Variants in CSRNP3 observed in about 807,000 individuals in gnomAD.
CSRNP3 encodes the protein cysteine/serine-rich nuclear protein 3.
In CSRNP3, 12 loss-of-function variants were observed where a neutral mutation model predicts 48.0. That is an observed-to-expected ratio of 0.25 (90% CI 0.16 to 0.41). CSRNP3 has a LOEUF of 0.41. CSRNP3 is among the 10% of genes least tolerant of loss of function. The pLI, the probability that CSRNP3 is intolerant of heterozygous loss-of-function variation, is 1.00. For synonymous variants in CSRNP3, 263 were observed against 269.7 expected (o/e 0.98, Z 0.24); for missense variants, 580 against 724.4 (o/e 0.80, Z 2.29).
chr2:165,599,743 G>A (rs1308521022), intron 4 of CSRNP3, among the ~76,000 whole-genome samples: 4 of 152,194 alleles, frequency 2.6e-5, no homozygotes, highest in African/African-American at 9.6e-5. Flanking sequence ...TAAGGTATGG[G>A]CTTCTCTGCA....
chr2:165,580,150 G>A (rs1385899411), intron 3 of CSRNP3, among the ~76,000 whole-genome samples: 1 of 151,868 alleles, frequency 6.6e-6, no homozygotes, highest in East Asian at 1.9e-4. Flanking sequence ...GGATGGTCTC[G>A]ATCTCCTGAC....
At chr2:165,653,061 C>T (rs1686940870) in intron 4 of CSRNP3, among the ~76,000 whole-genome samples, 1 of 152,152 alleles carries the variant, frequency 6.6e-6, no homozygotes, top group Non-Finnish European at 1.5e-5. Flanking sequence ...TAGTCTGCTT[C>T]TCCCAGGCTC....
chr2:165,605,386 T>G (rs75102608), intron 4 of CSRNP3, among the ~76,000 whole-genome samples: 3,428 of 152,154 alleles, frequency 0.023, 134 homozygotes, highest in African/African-American at 0.078. Context: ...TTCTTTAGTA[T>G]AGCCATCCCT....
At position 165,653,972 on chromosome 2, in the gene CSRNP3, C is replaced by CAAAAAAAAAAAAAAAAA. The variant is rs71028497; in HGVS notation, c.149-3769_149-3753dup. On this transcript the variant is annotated intron_variant, in intron 4 of 6. Transcript: ENST00000651982. ...GGGCAACAAGAGCGAAGCTCTATCA[C>CAAAAAAAAAAAAAAAAA]AAAAAAAAAAAAAAAAAAAAAAAAA... 4.9e-4 allele frequency among the ~76,000 whole-genome samples: 20 copies of CAAAAAAAAAAAAAAAAA among 41,226 alleles called. 6 individuals carry two copies. Among genetic ancestry groups the CAAAAAAAAAAAAAAAAA allele is most frequent in the African/African-American group, 1.9e-3 (19 of 10,118 alleles). The allele number at this position is 41,226 out of a possible 152,430, so 27.0% of individuals were successfully genotyped here.
At chr2:165,612,888 G>A (rs1353358439) in intron 4 of CSRNP3, among the ~76,000 whole-genome samples, 1 of 151,782 alleles carries the variant, frequency 6.6e-6, no homozygotes, top group African/African-American at 2.4e-5. Flanking sequence ...CAGTAAAGTT[G>A]GTATCTCTTC....
Position 165,590,537 on chromosome 2 carries a change from C to T in CSRNP3, c.-23-4506C>T, listed in dbSNP as rs1404976531. On this transcript the variant is annotated intron_variant, in intron 3 of 6. Transcript: ENST00000651982. Reference sequence around the variant, plus strand: ...AACACTGATATGGTTTGGCTGTGTTCCCACCCAAATCTCATCTTGAGTTGT... The same window carrying T: ...AACACTGATATGGTTTGGCTGTGTTTCCACCCAAATCTCATCTTGAGTTGT... Among the ~76,000 whole-genome samples, 4 of 152,208 alleles carry T rather than the reference C, an allele frequency of 2.6e-5. No homozygotes were observed. In the East Asian group the frequency reaches 5.8e-4, roughly 22 times the overall value.
intron 3 of CSRNP3, among the ~76,000 whole-genome samples, chr2:165,581,729 G>T (rs1209335488): frequency 6.6e-6 from 1 of 151,996 alleles, no homozygotes; most frequent in Non-Finnish European, 1.5e-5. Flanking sequence ...TAGAGATGGG[G>T]TTTCACCATG....
chr2:165,638,276 A>C (rs1017690989), intron 4 of CSRNP3, among the ~76,000 whole-genome samples: 7 of 152,210 alleles, frequency 4.6e-5, no homozygotes, highest in African/African-American at 1.7e-4. Context: ...AGCCTGACCA[A>C]CATGGTGAAA....
chr2:165,531,404 ACTACT>A (rs1410456389), intron 3 of CSRNP3, among the ~76,000 whole-genome samples: 1 of 152,204 alleles, frequency 6.6e-6, no homozygotes, highest in Non-Finnish European at 1.5e-5. Flanking sequence ...TTGTGTTGAC[ACTACT>A]CTACACAGCT....
chr2:165,562,532 GA>G (rs1023654730), intron 3 of CSRNP3, among the ~76,000 whole-genome samples: 3 of 152,244 alleles, frequency 2.0e-5, no homozygotes, highest in African/African-American at 7.2e-5. Flanking sequence ...AGACAAGCTT[GA>G]AAAACACAAA....
chr2:165,527,199 C>CTTTTTTTTTTTTTTTTTTT (rs535826285), intron 3 of CSRNP3, among the ~76,000 whole-genome samples: 1 of 87,296 alleles, frequency 1.1e-5, no homozygotes, highest in Non-Finnish European at 2.1e-5. Context: ...GCTGTTTGTA[C>CTTTTTTTTTTTTTTTTTTT]TTTTTTTTTT....
intron 3 of CSRNP3, among the ~76,000 whole-genome samples, chr2:165,557,106 A>G (rs565218373): frequency 4.2e-4 from 64 of 152,212 alleles, no homozygotes; most frequent in Non-Finnish European, 7.6e-4. Flanking sequence ...CTGCCTCACT[A>G]CCCATTTGTA....
intron 4 of CSRNP3, among the ~76,000 whole-genome samples, chr2:165,619,177 C>G (rs569910679): frequency 6.6e-6 from 1 of 152,196 alleles, no homozygotes; most frequent in Non-Finnish European, 1.5e-5. Context: ...AGCTAAATTT[C>G]TTAGGTAAAT....
At chr2:165,487,499 TCAC>T (rs1684136613) in intron 1 of CSRNP3, among the ~76,000 whole-genome samples, 1 of 145,264 alleles carries the variant, frequency 6.9e-6, no homozygotes, top group South Asian at 2.3e-4. Context: ...ATTGTCAGAT[TCAC>T]CAAAGTTGAA....
At chr2:165,602,739 TA>T (rs1296311101) in intron 4 of CSRNP3, among the ~76,000 whole-genome samples, 1 of 152,128 alleles carries the variant, frequency 6.6e-6, no homozygotes, top group African/African-American at 2.4e-5. Context: ...CAAACAGAAA[TA>T]TCTTTTTTTC....
chr2:165,493,087 A>C (rs4589774), intron 1 of CSRNP3, among the ~76,000 whole-genome samples: 3 of 152,016 alleles, frequency 2.0e-5, no homozygotes, highest in Admixed American at 6.6e-5. Flanking sequence ...AGAGGAAGCC[A>C]GTCAGCAGAA....
chr2:165,541,330 T>C (rs1684954870), intron 3 of CSRNP3, among the ~76,000 whole-genome samples: 1 of 152,064 alleles, frequency 6.6e-6, no homozygotes, highest in Non-Finnish European at 1.5e-5. Flanking sequence ...TTTTGTTTTA[T>C]TCTTTACTCG....
intron 3 of CSRNP3, among the ~76,000 whole-genome samples, chr2:165,526,556 A>G (rs1044790657): frequency 6.6e-6 from 1 of 152,244 alleles, no homozygotes; most frequent in Non-Finnish European, 1.5e-5. Context: ...TATAATGGTC[A>G]TTTGAAAATA....
chr2:165,485,040 A>G lies in CSRNP3; in HGVS notation c.-282-9719A>G, dbSNP rs552449862. On this transcript the variant is annotated intron_variant, in intron 1 of 6. Coordinates refer to ENST00000651982, the MANE Select transcript of CSRNP3 (RefSeq NM_001172173.2). Reference sequence around the variant, plus strand: ...GTCTTAATCAGTTCTGGTTACCACAACAAAATATCATAGATTGGGAGAATT... The same window carrying G: ...GTCTTAATCAGTTCTGGTTACCACAGCAAAATATCATAGATTGGGAGAATT... 6.6e-5 allele frequency among the ~76,000 whole-genome samples: 10 copies of G among 152,320 alleles called. No homozygotes were observed. The South Asian group carries it at 2.1e-3, about 32-fold the overall frequency.
Sources: gnomAD v4.1 joint callset for allele counts (sites outside exome capture counted in the v4.1 genomes callset) on GRCh38, gnomAD v4.1.1 for gene constraint, MANE v1.5 for transcripts, NCBI Gene and HGNC (gene_info 2026-07-23, HGNC 2026-07-21) for gene names.